The following CCSER2 variants were observed in gnomAD, a reference collection of about 807,000 sequenced individuals.
The protein encoded by CCSER2 is coiled-coil serine rich protein 2.
In CCSER2, 46 loss-of-function variants were observed where a neutral mutation model predicts 92.3. The ratio of observed to expected loss-of-function variants is 0.50; its 90% CI spans 0.39 to 0.64. CCSER2 has a LOEUF of 0.64. Among genes scored for constraint, CCSER2 ranks in the 30% least tolerant of loss-of-function variants. The pLI, the probability that CCSER2 is intolerant of heterozygous loss-of-function variation, is 0.00. For synonymous variants in CCSER2, 433 were observed against 431.4 expected (o/e 1.00, Z -0.04); for missense variants, 1,244 against 1,238.9 (o/e 1.00, Z -0.06).
chr10:84,488,179 A>G (rs922948813), intron 9 of CCSER2, among the ~76,000 whole-genome samples: 6 of 152,206 alleles, frequency 3.9e-5, no homozygotes, highest in African/African-American at 1.4e-4. Context: ...GATGTTCATC[A>G]GGGATATTGG....
intron 6 of CCSER2, among the ~76,000 whole-genome samples, chr10:84,462,646 A>T (rs776753114): frequency 1.2e-4 from 18 of 152,204 alleles, no homozygotes; most frequent in South Asian, 2.1e-4. Flanking sequence ...CTTAATGTCC[A>T]TTTGACACCA....
rs987406913 is a variant in CCSER2 at position 84,515,031 on chromosome 10, C to T, written c.*764C>T. 6 of 152,588 alleles carry T rather than the reference C, an allele frequency of 3.9e-5. No homozygotes were observed. The highest frequency in any genetic ancestry group is 1.2e-4 in the African/African-American group (5 of 41,432). The allele number at this position is 152,588 out of a possible 1,614,324, so 9.5% of individuals were successfully genotyped here. On this transcript the variant is annotated 3_prime_UTR_variant, in exon 10 of 10. Coordinates refer to ENST00000372088, the MANE Select transcript of CCSER2 (RefSeq NM_001284240.2). ...TTGTTACTGGGTAAATTTTGGAGCGCTTGAGATACACCTTGAAACCTGTAC... is the reference window on the plus strand; with the variant it reads ...TTGTTACTGGGTAAATTTTGGAGCGTTTGAGATACACCTTGAAACCTGTAC...
intron 4 of CCSER2, among the ~76,000 whole-genome samples, chr10:84,424,325 A>G (rs1357164923): frequency 6.6e-6 from 1 of 152,126 alleles, no homozygotes; most frequent in Admixed American, 6.5e-5. Context: ...GATGACAACA[A>G]ATTGAAATAA....
rs1294255103 is a variant in CCSER2, at chr10:84,465,606, A to T, written c.2148+1590A>T. 2.0e-5 allele frequency among the ~76,000 whole-genome samples: 3 copies of T among 152,066 alleles called. No individual in the cohort carries two copies. The South Asian group carries it at 6.2e-4, about 32-fold the overall frequency. ...CTCCCAAAGTGTTGGGATTGCAGGC[A>T]TGAGCCATCGCACCCGGACAAGAAA... On this transcript the variant is annotated intron_variant, in intron 7 of 9. Transcript: ENST00000372088.
At chr10:84,454,098 G>A (rs1312019151) in intron 6 of CCSER2, among the ~76,000 whole-genome samples, 1 of 152,094 alleles carries the variant, frequency 6.6e-6, no homozygotes, top group Non-Finnish European at 1.5e-5. Context: ...CAAAACCAAG[G>A]CGTTGTCATC....
At chr10:84,337,245 T>C (rs943959028) in intron 1 of CCSER2, among the ~76,000 whole-genome samples, 1 of 152,162 alleles carries the variant, frequency 6.6e-6, no homozygotes, top group African/African-American at 2.4e-5. Context: ...CAAGTTAGCC[T>C]TGGGATCCTG....
intron 3 of CCSER2, among the ~76,000 whole-genome samples, chr10:84,376,914 T>A (rs1313229665): frequency 2.0e-5 from 3 of 152,164 alleles, no homozygotes; most frequent in African/African-American, 7.2e-5. Flanking sequence ...AGATTTTGTC[T>A]TGTATTTTTT....
At chr10:84,338,923 T>C (rs1844008429) in intron 1 of CCSER2, among the ~76,000 whole-genome samples, 1 of 152,176 alleles carries the variant, frequency 6.6e-6, no homozygotes, top group African/African-American at 2.4e-5. Context: ...TATTTAGTGT[T>C]GGAGCATCAT....
intron 3 of CCSER2, among the ~76,000 whole-genome samples, chr10:84,384,863 A>G (rs1841102593): frequency 2.0e-5 from 3 of 152,198 alleles, no homozygotes; most frequent in Non-Finnish European, 2.9e-5. Context: ...AGAAAACCCT[A>G]AAGATTCCTC....
intron 9 of CCSER2, among the ~76,000 whole-genome samples, 196 bp downstream of exon 9, chr10:84,477,860 A>G (rs952868690): frequency 1.3e-5 from 2 of 152,064 alleles, no homozygotes; most frequent in East Asian, 3.8e-4. Context: ...TATGTAAGTG[A>G]ATGTGCATTT....
chr10:84,511,675 T>A (rs1849353992), intron 9 of CCSER2, among the ~76,000 whole-genome samples: 1 of 152,136 alleles, frequency 6.6e-6, no homozygotes. Context: ...CCTAATTACT[T>A]TTTATTCCCT....
At chr10:84,439,997 G>A (rs1844426651) in intron 6 of CCSER2, among the ~76,000 whole-genome samples, 1 of 152,104 alleles carries the variant, frequency 6.6e-6, no homozygotes, top group African/African-American at 2.4e-5. Context: ...CATTGTACTA[G>A]CTGTACCACG....
chr10:84,365,312 A>G (rs1159831348), intron 1 of CCSER2, among the ~76,000 whole-genome samples: 2 of 152,218 alleles, frequency 1.3e-5, no homozygotes, highest in Non-Finnish European at 2.9e-5. Flanking sequence ...AAGTGCATCA[A>G]AGACAGCATG....
chr10:84,335,661 G>A (rs1235107093), intron 1 of CCSER2, among the ~76,000 whole-genome samples: 1 of 152,128 alleles, frequency 6.6e-6, no homozygotes, highest in Non-Finnish European at 1.5e-5. Context: ...GAAGGCCCTA[G>A]TGAATACGCT....
intron 3 of CCSER2, among the ~76,000 whole-genome samples, chr10:84,385,851 A>C (rs576910432): frequency 6.6e-4 from 101 of 152,252 alleles, no homozygotes; most frequent in African/African-American, 2.3e-3. Flanking sequence ...CTGAAAAATG[A>C]CCAGTATTCA....
At chr10:84,431,645 G>A (rs916721290) in intron 5 of CCSER2, among the ~76,000 whole-genome samples, 2 of 152,042 alleles carry the variant, frequency 1.3e-5, no homozygotes, top group Admixed American at 6.6e-5. Context: ...GGGAGGCTGA[G>A]GTGGGGGGAT....
chr10:84,367,983 G>A (rs1045325984), intron 1 of CCSER2, among the ~76,000 whole-genome samples: 17 of 152,106 alleles, frequency 1.1e-4, no homozygotes, highest in Non-Finnish European at 1.9e-4. Flanking sequence ...CTTAGATTGC[G>A]TTAAATGTCC....
At chr10:84,389,432 G>GTCT in intron 3 of CCSER2, 1 of 462,412 alleles carries the variant, frequency 2.2e-6, no homozygotes, top group Non-Finnish European at 4.3e-6. Flanking sequence ...CGGTGCAGAG[G>GTCT]GAGAAGGTAC....
chr10:84,443,907 C>G (rs773314155), intron 6 of CCSER2, among the ~76,000 whole-genome samples: 23 of 152,030 alleles, frequency 1.5e-4, no homozygotes, highest in Non-Finnish European at 2.6e-4. Context: ...AAACCAAACA[C>G]TGCATGTTCT....
Sources: allele counts gnomAD v4.1 joint callset (sites outside exome capture counted in the v4.1 genomes callset), GRCh38; gene constraint gnomAD v4.1.1; transcripts MANE v1.5; gene names NCBI Gene and HGNC (gene_info 2026-07-23, HGNC 2026-07-21).